Variants in PRDM1 observed in about 807,000 individuals in gnomAD.
The protein encoded by PRDM1 is PR domain zinc finger protein 1.
In PRDM1, 13 loss-of-function variants were observed where a neutral mutation model predicts 62.8. The ratio of observed to expected loss-of-function variants is 0.21; its 90% CI spans 0.13 to 0.33. PRDM1 has a LOEUF of 0.33. Among genes scored for constraint, PRDM1 ranks in the 10% least tolerant of loss-of-function variants. The pLI is 1.00. For missense variants in PRDM1, 895 were observed against 1,058.8 expected, an observed-to-expected ratio of 0.85 and a Z score of 2.15; for synonymous variants, 396 against 417.6, an observed-to-expected ratio of 0.95 and a Z score of 0.63.
At chr6:106,065,505 A>G (rs9373830) in intron 1 of PRDM1, among the ~76,000 whole-genome samples, 4,003 of 152,240 alleles carry the variant, frequency 0.026, 86 homozygotes, top group South Asian at 0.047. Context: ...TGTAATCAAC[A>G]GTTCACTTTT....
chr6:106,104,155 C>T (rs1260406312), intron 4 of PRDM1, among the ~76,000 whole-genome samples: 2 of 152,014 alleles, frequency 1.3e-5, no homozygotes, highest in Non-Finnish European at 2.9e-5. Flanking sequence ...CTTTTATTAA[C>T]CTATGACAGG....
At chr6:106,103,072 T>C (rs1418162476) in intron 4 of PRDM1, among the ~76,000 whole-genome samples, 8 of 152,150 alleles carry the variant, frequency 5.3e-5, no homozygotes, top group Admixed American at 5.2e-4. Context: ...TAAGGAGATA[T>C]TTATTTTGTT....
upstream of PRDM1, chr6:106,046,835 T>C (rs1252454128): frequency 6.6e-6 from 1 of 152,234 alleles, no homozygotes; most frequent in Non-Finnish European, 1.5e-5. Flanking sequence ...TCTAGCCAAA[T>C]GGAAGAAGAA....
Position 106,071,376 on chromosome 6 carries a change from C to CGT in PRDM1, c.-66-16820_-66-16819dup, listed in dbSNP as rs994708008. Among the ~76,000 whole-genome samples the CGT allele has an allele frequency of 9.2e-5, 14 of 151,974 alleles. No individual in the cohort carries two copies. The East Asian group carries it at 1.4e-3, about 15-fold the overall frequency. ...TATGTATGTATGTATATGTAAGTCA[C>CGT]GTGTGTATATATATATATACACACA... On this transcript the variant is annotated intron_variant, in intron 1 of 6. Coordinates refer to the PRDM1 transcript ENST00000651185.
At chr6:106,102,113 C>G (rs1417970301) in intron 4 of PRDM1, among the ~76,000 whole-genome samples, 1 of 152,140 alleles carries the variant, frequency 6.6e-6, no homozygotes, top group Non-Finnish European at 1.5e-5. Flanking sequence ...TAGGTTCTTT[C>G]TTATAGTCTT....
intron 1 of PRDM1, among the ~76,000 whole-genome samples, chr6:106,002,348 A>G (rs1170133492): frequency 6.6e-6 from 1 of 152,150 alleles, no homozygotes; most frequent in Non-Finnish European, 1.5e-5. Flanking sequence ...AGAATTGCTT[A>G]TAAACATTTA....
At chr6:106,066,818 G>A (rs543497149) in intron 1 of PRDM1, among the ~76,000 whole-genome samples, 38 of 152,162 alleles carry the variant, frequency 2.5e-4, no homozygotes, top group South Asian at 6.2e-4. Flanking sequence ...TTATGGATCC[G>A]AGTATTTTCT....
intron 1 of PRDM1, among the ~76,000 whole-genome samples, chr6:105,997,647 G>A (rs4130475): frequency 0.015 from 2,258 of 152,282 alleles, 60 homozygotes; most frequent in Admixed American, 0.063. Flanking sequence ...CTTTTTTAAG[G>A]GAAGTAGGTT....
chr6:106,035,612 G>C (rs979174464), intron 1 of PRDM1, among the ~76,000 whole-genome samples: 3 of 151,792 alleles, frequency 2.0e-5, no homozygotes, highest in Non-Finnish European at 4.4e-5. Context: ...CTGGGTGACA[G>C]AGAGAGAGAG....
At chr6:106,086,263 G>C, upstream of PRDM1, 1 of 401,714 alleles carries the variant, frequency 2.5e-6, no homozygotes, top group Non-Finnish European at 4.4e-6. Flanking sequence ...TGTTGGCCAC[G>C]TTGGCCACGC....
In PRDM1 at chr6:106,086,578, C is replaced by T. The variant is rs1464205022; in HGVS notation, c.25C>T (p.Arg9Cys). The T allele has an allele frequency of 1.3e-6, 2 of 1,551,634 alleles. No individual in the cohort carries two copies. The highest frequency in any genetic ancestry group is 3.9e-5 in the Admixed American group (2 of 50,962). The change falls in exon 1 of 7, where the codon CGT becomes TGT. Residue 9 changes from arginine (R) to cysteine (C), a missense_variant. Coordinates refer to ENST00000369096, the MANE Select transcript of PRDM1 (RefSeq NM_001198.4). MLDICLEK[R>C]VGTTLAAPKC... ...GATGTTGGATATTTGCTTGGAAAAA[C>T]GTGTGGGTACGACCTTGGTAAGGAA...
exon 1 of PRDM1, among the ~76,000 whole-genome samples, chr6:106,048,544 G>GC (rs764637365): frequency 4.6e-5 from 7 of 152,136 alleles, no homozygotes; most frequent in Non-Finnish European, 1.0e-4. Context: ...GTTTGACTTA[G>GC]CCCCCCTTTC....
chr6:106,094,189 A>G (rs1316207671), intron 2 of PRDM1, among the ~76,000 whole-genome samples: 1 of 152,256 alleles, frequency 6.6e-6, no homozygotes, highest in Non-Finnish European at 1.5e-5. Context: ...ACATGAATGT[A>G]CAGGAGCTAC....
At chr6:106,025,457 A>C (rs1772751600) in intron 1 of PRDM1, among the ~76,000 whole-genome samples, 1 of 152,204 alleles carries the variant, frequency 6.6e-6, no homozygotes, top group African/African-American at 2.4e-5. Context: ...AAAAATATTT[A>C]ATTAGTATTT....
upstream of PRDM1, among the ~76,000 whole-genome samples, chr6:106,083,311 G>A (rs1773726290): frequency 6.6e-6 from 1 of 152,102 alleles, no homozygotes; most frequent in South Asian, 2.1e-4. Context: ...GTTTGGGTAT[G>A]GCAGGAGTTG....
intron 2 of PRDM1, among the ~76,000 whole-genome samples, chr6:106,092,060 C>T (rs143609075): frequency 2.5e-4 from 35 of 141,768 alleles, no homozygotes; most frequent in African/African-American, 7.4e-4. Flanking sequence ...GACATTTAGA[C>T]TTGGATATAG....
chr6:106,014,323 G>T (rs1399391537), intron 1 of PRDM1, among the ~76,000 whole-genome samples: 1 of 151,774 alleles, frequency 6.6e-6, no homozygotes, highest in East Asian at 1.9e-4. Flanking sequence ...GCCTCCCAAA[G>T]CGCTGGGATT....
chr6:106,055,766 T>G (rs1169453836), intron 1 of PRDM1, among the ~76,000 whole-genome samples: 1 of 152,228 alleles, frequency 6.6e-6, no homozygotes, highest in Non-Finnish European at 1.5e-5. Context: ...CTAACTTTCT[T>G]GCCATGGTTC....
chr6:106,024,509 C>G (rs1772740714), intron 1 of PRDM1, among the ~76,000 whole-genome samples: 1 of 152,178 alleles, frequency 6.6e-6, no homozygotes, highest in Non-Finnish European at 1.5e-5. Context: ...GACATCTCTT[C>G]TATGAAAGGA....
Sources: allele counts gnomAD v4.1 joint callset (sites outside exome capture counted in the v4.1 genomes callset), GRCh38; gene constraint gnomAD v4.1.1; transcripts MANE v1.5; gene names NCBI Gene and HGNC (gene_info 2026-07-23, HGNC 2026-07-21).